Variants in APBB2 observed in about 807,000 individuals in gnomAD.
APBB2 encodes the protein amyloid beta precursor protein binding family B member 2.
Under a neutral mutation model 82.5 loss-of-function variants are expected in APBB2, and 38 were observed. The observed-to-expected ratio is 0.46, with a 90% CI of 0.36 to 0.60. APBB2 has a LOEUF of 0.60. APBB2 is among the 20% of genes least tolerant of loss of function. The pLI is 0.00. For synonymous variants in APBB2, 341 were observed against 368.2 expected (o/e 0.93, Z 0.85); for missense variants, 772 against 972.3 (o/e 0.79, Z 2.74).
chr4:41,192,580 TA>T (rs1029022120), intron 1 of APBB2, among the ~76,000 whole-genome samples: 3 of 151,656 alleles, frequency 2.0e-5, no homozygotes, highest in African/African-American at 4.8e-5. Context: ...TGTGGAATCT[TA>T]AAAAAAAATT....
chr4:40,881,359 A>G (rs1235858964), intron 12 of APBB2: 1 of 984,948 alleles, frequency 1.0e-6, no homozygotes, highest in South Asian at 4.7e-5. Context: ...AGAATCCCCT[A>G]CTAGATGTCA....
At chr4:41,146,156 T>C (rs1382739275) in intron 1 of APBB2, among the ~76,000 whole-genome samples, 2 of 152,038 alleles carry the variant, frequency 1.3e-5, no homozygotes, top group African/African-American at 4.8e-5. Flanking sequence ...CAAAACCCTT[T>C]CACTTCTAAA....
intron 4 of APBB2, among the ~76,000 whole-genome samples, chr4:41,047,300 G>C (rs966044653): frequency 2.6e-5 from 4 of 152,254 alleles, no homozygotes; most frequent in African/African-American, 9.6e-5. Flanking sequence ...TATCTCAAAG[G>C]AAACTCAAAG....
chr4:40,928,401 C>CAA (rs1783194346), intron 10 of APBB2, among the ~76,000 whole-genome samples: 1 of 67,034 alleles, frequency 1.5e-5, no homozygotes. Flanking sequence ...CACACACACA[C>CAA]ACACACACAC....
At chr4:41,018,212 A>C (rs1032258420) in intron 5 of APBB2, among the ~76,000 whole-genome samples, 3 of 152,180 alleles carry the variant, frequency 2.0e-5, no homozygotes, top group African/African-American at 7.2e-5. Flanking sequence ...ACCTCAAGCC[A>C]CCACTGACTG....
intron 10 of APBB2, among the ~76,000 whole-genome samples, chr4:40,894,683 T>C (rs550677269): frequency 6.6e-6 from 1 of 152,362 alleles, no homozygotes; most frequent in South Asian, 2.1e-4. Flanking sequence ...CTTAGAGATA[T>C]TTTGTTTGAG....
chr4:41,109,881 A>T (rs1748572205), intron 2 of APBB2, among the ~76,000 whole-genome samples: 1 of 152,214 alleles, frequency 6.6e-6, no homozygotes, highest in Non-Finnish European at 1.5e-5. Flanking sequence ...GGAGCTAAAA[A>T]ATTAATGTTC....
chr4:40,817,252 A>G (rs1336870009), intron 17 of APBB2, among the ~76,000 whole-genome samples: 1 of 152,098 alleles, frequency 6.6e-6, no homozygotes, highest in Admixed American at 6.5e-5. Flanking sequence ...TACAAAAAAT[A>G]CAAAAATTAG....
chr4:41,003,781 C>T (rs910571159), intron 6 of APBB2, among the ~76,000 whole-genome samples: 7 of 152,176 alleles, frequency 4.6e-5, no homozygotes, highest in African/African-American at 7.2e-5. Context: ...GGCATGATCC[C>T]GGCTCACTGC....
chr4:40,982,447 AAG>A (rs1491539783), intron 6 of APBB2, among the ~76,000 whole-genome samples: 1 of 140,020 alleles, frequency 7.1e-6, no homozygotes, highest in Non-Finnish European at 1.6e-5. Flanking sequence ...GAAAGAAAGA[AAG>A]AAAGAATGAA....
At chr4:40,880,390 G>A (rs137961565) in intron 12 of APBB2, 1 of 985,310 alleles carries the variant, frequency 1.0e-6, no homozygotes, top group Admixed American at 6.1e-5. Context: ...GAGTAAAAAG[G>A]TTCCAGGTGA....
intron 5 of APBB2, among the ~76,000 whole-genome samples, chr4:41,015,109 C>G (rs977242453): frequency 2.0e-5 from 3 of 152,168 alleles, no homozygotes. Flanking sequence ...TGTTAGAGCT[C>G]CCAGAGGAGT....
intron 3 of APBB2, among the ~76,000 whole-genome samples, chr4:41,082,034 G>A (rs1216361645): frequency 6.6e-6 from 1 of 151,536 alleles, no homozygotes; most frequent in Admixed American, 6.5e-5. Context: ...TATATTGGAG[G>A]AACATGACAC....
At chr4:40,845,355 G>A (rs1486815149) in intron 12 of APBB2, among the ~76,000 whole-genome samples, 1 of 152,062 alleles carries the variant, frequency 6.6e-6, no homozygotes, top group Non-Finnish European at 1.5e-5. Flanking sequence ...TTTAGTGCCA[G>A]GCGTAAGTCT....
At chr4:41,198,984 C>CA (rs2154074866) in intron 1 of APBB2, among the ~76,000 whole-genome samples, 1 of 152,186 alleles carries the variant, frequency 6.6e-6, no homozygotes, top group African/African-American at 2.4e-5. Flanking sequence ...CCAGGATAAG[C>CA]AAAACAAAAC....
At position 40,832,243 on chromosome 4, in the gene APBB2, A is replaced by G. The variant is rs1279825126; in HGVS notation, c.1530-1666T>C. On this transcript the variant is annotated intron_variant, in intron 12 of 17. Transcript: ENST00000508593. This position sits in a 1 kb window ranked among gnomAD's most constrained non-coding sequence, Gnocchi z 4.8. ...CAAGAAAGCCTTGGCGGCCTTGGGA[A>G]GGGACAGGGATTTACTATAGCAGGC... is the stretch of plus-strand genomic sequence containing the variant. Among the ~76,000 whole-genome samples, 1 of 152,202 alleles carries G rather than the reference A, an allele frequency of 6.6e-6. No individual in the cohort carries two copies. Among genetic ancestry groups the G allele is most frequent in the Non-Finnish European group, 1.5e-5 (1 of 68,028 alleles).
At chr4:41,180,551 G>C (rs999088346) in intron 1 of APBB2, among the ~76,000 whole-genome samples, 54 of 152,138 alleles carry the variant, frequency 3.5e-4, no homozygotes, top group African/African-American at 1.2e-3. Context: ...GGGAGGGTGA[G>C]GCTGGAGGAT....
intron 11 of APBB2, among the ~76,000 whole-genome samples, chr4:40,891,147 G>A (rs1175158544): frequency 6.6e-6 from 1 of 152,224 alleles, no homozygotes; most frequent in Non-Finnish European, 1.5e-5. Flanking sequence ...AGGCTGAAAG[G>A]TTAAGTAACT....
At chr4:41,064,040 G>A (rs534469384) in intron 4 of APBB2, among the ~76,000 whole-genome samples, 33 of 145,822 alleles carry the variant, frequency 2.3e-4, no homozygotes, top group African/African-American at 6.1e-4. Flanking sequence ...GTGCAGTGGC[G>A]CGATCTCGGT....
Sources: allele counts gnomAD v4.1 joint callset (sites outside exome capture counted in the v4.1 genomes callset), GRCh38; gene constraint gnomAD v4.1.1; non-coding constraint Gnocchi (gnomAD v3.1); transcripts MANE v1.5; gene names NCBI Gene and HGNC (gene_info 2026-07-23, HGNC 2026-07-21).